MYBBP1A: variants seen among roughly 807,000 people sequenced by gnomAD.
MYBBP1A encodes myb-binding protein 1A.
A neutral mutation model predicts 136.3 loss-of-function variants in MYBBP1A; 147 were observed. The ratio of observed to expected loss-of-function variants is 1.08; its 90% CI spans 0.94 to 1.24. MYBBP1A has a LOEUF of 1.24. Among genes scored for constraint, MYBBP1A ranks in the 50% most tolerant of loss-of-function variants. The pLI, the probability that MYBBP1A is intolerant of heterozygous loss-of-function variation, is 0.00. For missense variants in MYBBP1A, 2,060 were observed against 1,727.4 expected, an observed-to-expected ratio of 1.19 and a Z score of -3.41; for synonymous variants, 947 against 735.8, an observed-to-expected ratio of 1.29 and a Z score of -4.65.
chr17:4,541,425 G>A (rs767844984), intron 24 of MYBBP1A, 38 bp downstream of exon 24: 3 of 1,581,302 alleles, frequency 1.9e-6, no homozygotes, highest in South Asian at 1.1e-5. Flanking sequence ...CCCCCAAGAG[G>A]AACCCGAACA....
Position 4,555,149 on chromosome 17 carries a change from T to C in MYBBP1A, c.176A>G (p.Glu59Gly). ...TRLAATEKLL[E>G]YLRGRPKGSE... ...CACCTTCGGCCTGCCACGCAGATAC[T>C]CCAGCAGCTTCTCCGTGGCCGCAAG... The change falls in exon 1 of 26, where the codon GAG (glutamate) becomes GGG (glycine). Residue 59 changes from glutamate to glycine, a missense_variant. Coordinates refer to ENST00000254718, the MANE Select transcript of MYBBP1A (RefSeq NM_014520.4). 6.3e-7 allele frequency: 1 copy of C among 1,598,232 alleles called. No individual in the cohort carries two copies.
In MYBBP1A at chr17:4,539,752, T is replaced by A; in HGVS notation, c.3650A>T (p.Lys1217Met). ...GTTTGCCTGGGCTGGGACCTTAGCC[T>A]TTGTCCTGTTCCTCTTCTTCCTGCC... is the stretch of plus-strand genomic sequence containing the variant. ...SMGRKKRNRT[K>M]AKVPAQANGT... The change falls in exon 26 of 26, where the codon AAG becomes ATG. Residue 1217 changes from lysine to methionine, a missense_variant. By Grantham distance (95) the Lys-to-Met change is moderately conservative (BLOSUM62 -1). Coordinates refer to ENST00000254718, the MANE Select transcript of MYBBP1A (RefSeq NM_014520.4). The A allele has an allele frequency of 2.5e-6, 4 of 1,613,214 alleles. No homozygotes were observed. Among genetic ancestry groups the A allele is most frequent in the Non-Finnish European group, 3.4e-6 (4 of 1,179,980 alleles).
In MYBBP1A at chr17:4,554,945, C is replaced by T. The variant is rs746267976; in HGVS notation, c.210G>A (p.Met70Ile). The T allele has an allele frequency of 1.9e-6, 3 of 1,613,434 alleles. No homozygotes were observed. In the African/African-American group the frequency reaches 4.0e-5, roughly 22 times the overall value. Residue 70 changes from methionine (M) to isoleucine (I), a missense_variant, in exon 2 of 26, where the codon ATG (methionine) becomes ATA (isoleucine). By Grantham distance (10) the Met-to-Ile change is conservative. Transcript: ENST00000254718. ...YLRGRPKGSE[M>I]KYALKRLITG... Reference sequence around the variant, plus strand: ...TGATTAGACGCTTCAGGGCATATTTCATCTCGGACCCCTGCGGAACCAAGC... The same window carrying T: ...TGATTAGACGCTTCAGGGCATATTTTATCTCGGACCCCTGCGGAACCAAGC...
Position 4,540,225 on chromosome 17 carries a change from TGCA to T in MYBBP1A, c.3434+120_3434+122del, listed in dbSNP as rs886774293. On this transcript the variant is annotated intron_variant, in intron 25 of 25. Transcript: ENST00000254718. ...GAGAATGCGCTTGAGTGCATGTGTG[TGCA>T]GCAGCATGCGTGTGCAGTGTGCGTG... is the stretch of plus-strand genomic sequence containing the variant. 176 of 1,358,766 alleles carry T rather than the reference TGCA, an allele frequency of 1.3e-4. No individual in the cohort carries two copies. The African/African-American group carries it at 2.4e-3, about 19-fold the overall frequency. The allele number at this position is 1,358,766 out of a possible 1,614,324, so 84.2% of individuals were successfully genotyped here. A position where few individuals can be genotyped will look rare whatever the true frequency, so the allele number is the denominator to read the frequency against.
At position 4,548,858 on chromosome 17, in the gene MYBBP1A, C is replaced by T. The variant is rs1436052818; in HGVS notation, c.1431-209G>A. Among the ~76,000 whole-genome samples, 4 of 152,200 alleles carry T rather than the reference C, an allele frequency of 2.6e-5. No individual in the cohort carries two copies. The highest frequency in any genetic ancestry group is 6.5e-5 in the Admixed American group (1 of 15,290). ...AAGGGGCCGTTTCTCTGCTCTGGAT[C>T]CCCAGCTGAACGCGGGTTAACCCGA... On this transcript the variant is annotated intron_variant, in intron 10 of 25. Coordinates refer to ENST00000254718, the MANE Select transcript of MYBBP1A (RefSeq NM_014520.4). The surrounding 1 kb of genome is among the most constrained non-coding windows in gnomAD (Gnocchi z 4.2).
rs758648262 is a variant in MYBBP1A at position 4,545,083 on chromosome 17, G to A, written c.2253C>T (p.Asp751=). The A allele has an allele frequency of 1.3e-5, 20 of 1,572,666 alleles. 1 individual carries two copies. The Middle Eastern group carries it at 5.0e-4, about 39-fold the overall frequency. The change falls in exon 17 of 26, where the codon GAC becomes GAT. Residue 751 remains aspartate (D), a synonymous_variant. Transcript: ENST00000254718. ...GCTGTTCCCGGAAGCCCTGATCCAC[G>A]TCCCCGTCGCGCTCCTCCTCCTCGC... is the stretch of plus-strand genomic sequence containing the variant. ...EESEEEERDG[D]VDQGFREQLM... is the part of the protein sequence containing the mutation.
chr17:4,539,140 C>T lies in MYBBP1A; in HGVS notation c.*275G>A, dbSNP rs188765729. The T allele has an allele frequency of 3.8e-5, 57 of 1,484,310 alleles. No individual in the cohort carries two copies. The East Asian group carries it at 1.3e-3, about 33-fold the overall frequency. 91.9% of individuals were successfully genotyped at this position (1,484,310 alleles called of 1,614,324 possible). A position where few individuals can be genotyped will look rare whatever the true frequency, so the allele number is the denominator to read the frequency against. The stretch of plus-strand genomic sequence containing the variant: ...AGCCAGCACATCAACCTGCACCAAC[C>T]CAGGCAAACACCAGAGCCCTGGACA... On this transcript the variant is annotated 3_prime_UTR_variant, in exon 26 of 26. Transcript: ENST00000254718.
rs199893522 is a variant in MYBBP1A at position 4,552,112 on chromosome 17, G to A, written c.905+13C>T. ...AGGGAAGGGGGCCGAGAGAGGACAC[G>A]CGTCGCCCGCACCTGGCTGGCCAGA... On this transcript the variant is annotated intron_variant, in intron 7 of 25. Coordinates refer to ENST00000254718, the MANE Select transcript of MYBBP1A (RefSeq NM_014520.4). This position sits in a 1 kb window ranked among gnomAD's most constrained non-coding sequence, Gnocchi z 4.7. 4.7e-5 allele frequency: 75 copies of A among 1,611,668 alleles called. No homozygotes were observed. Among genetic ancestry groups the A allele is most frequent in the Non-Finnish European group, 6.2e-5 (73 of 1,178,634 alleles).
rs935150680 is a variant in MYBBP1A, at chr17:4,541,683, G to C, written c.3195+101C>G. 4.2e-6 allele frequency: 6 copies of C among 1,424,162 alleles called. No individual in the cohort carries two copies. In the Admixed American group the frequency reaches 5.0e-5, roughly 12 times the overall value. 88.2% of individuals were successfully genotyped at this position (1,424,162 alleles called of 1,614,324 possible). A position where few individuals can be genotyped will look rare whatever the true frequency, so the allele number is the denominator to read the frequency against. On this transcript the variant is annotated intron_variant, in intron 23 of 25. Transcript: ENST00000254718. The stretch of plus-strand genomic sequence containing the variant: ...CTCCTGGGACAACCCCAGTTCTCCC[G>C]ACTCTGGACTCAGGCTCCAATCCTC...
intron 13 of MYBBP1A, chr17:4,547,613 C>G (rs1028257120): frequency 1.2e-5 from 3 of 245,956 alleles, no homozygotes; most frequent in African/African-American, 2.2e-5. Flanking sequence ...AAGAACCGAG[C>G]GGGAGAGCCC....
rs896901046 is a variant in MYBBP1A at position 4,552,357 on chromosome 17, G to C, written c.738-65C>G. On this transcript the variant is annotated intron_variant, in intron 6 of 25. Transcript: ENST00000254718. The surrounding 1 kb of genome is among the most constrained non-coding windows in gnomAD (Gnocchi z 4.7). ...GGCAAGGGCCAGGGTGACAAGAGCAGCCGGGACACCCCCAGGCCAAACGAC... is the reference window on the plus strand; with the variant it reads ...GGCAAGGGCCAGGGTGACAAGAGCACCCGGGACACCCCCAGGCCAAACGAC... 6.2e-7 allele frequency: 1 copy of C among 1,606,212 alleles called. No individual in the cohort carries two copies. The highest frequency in any genetic ancestry group is 2.2e-5 in the East Asian group (1 of 44,810).
Position 4,552,156 on chromosome 17 carries a change from C to G in MYBBP1A, c.874G>C (p.Gly292Arg), listed in dbSNP as rs752204729. Reference sequence around the variant, plus strand: ...GGCCAGAACTGCATCTTCAGCAGCCCTTGTTCCACCACCTCCTTCCAGAAC... The same window carrying G: ...GGCCAGAACTGCATCTTCAGCAGCCGTTGTTCCACCACCTCCTTCCAGAAC... ...PRFWKEVVEQ[G>R]LLKMQFWPAS... The change falls in exon 7 of 26, where the codon GGG becomes CGG. Residue 292 changes from glycine to arginine, a missense_variant. Physicochemically the swap from Gly to Arg is moderately radical, Grantham distance 125. Coordinates refer to ENST00000254718, the MANE Select transcript of MYBBP1A (RefSeq NM_014520.4). This position sits in a 1 kb window ranked among gnomAD's most constrained non-coding sequence, Gnocchi z 4.7. The G allele has an allele frequency of 6.2e-7, 1 of 1,614,228 alleles. No individual in the cohort carries two copies. The highest frequency in any genetic ancestry group is 2.2e-5 in the East Asian group (1 of 44,886).
chr17:4,545,557 T>C (rs1906927174), intron 15 of MYBBP1A, 53 bp downstream of exon 15: 7 of 1,538,012 alleles, frequency 4.6e-6, no homozygotes, highest in Non-Finnish European at 6.1e-6. Flanking sequence ...CTGGTGCAGC[T>C]CGCTGCTCAG....
Position 4,543,131 on chromosome 17 carries a change from C to T in MYBBP1A, c.2674G>A (p.Asp892Asn), listed in dbSNP as rs562871359. ...AGGGCCCCTGCGCGCTCACCCAAGT[C>T]GTGGCAGTAGCGCCGGGCACGGCAC... Reference protein sequence around the residue: ...HLCRARRYCHDLGERAGALHA... With the variant: ...HLCRARRYCHNLGERAGALHA... The change falls in exon 20 of 26, where the codon GAC becomes AAC. Residue 892 changes from aspartate (D) to asparagine (N), a missense_variant. Coordinates refer to ENST00000254718, the MANE Select transcript of MYBBP1A (RefSeq NM_014520.4). The T allele has an allele frequency of 8.9e-5, 143 of 1,610,880 alleles. No homozygotes were observed. The highest frequency in any genetic ancestry group is 5.8e-4 in the South Asian group (53 of 90,950).
At position 4,550,483 on chromosome 17, in the gene MYBBP1A, C is replaced by G. The variant is rs987102703; in HGVS notation, c.1024-130G>C. Reference sequence around the variant, plus strand: ...GCCCGGGGGCAGGCGGGCAACAGCCCACCAGGCTTGTGCCCACTACAGGTT... The same window carrying G: ...GCCCGGGGGCAGGCGGGCAACAGCCGACCAGGCTTGTGCCCACTACAGGTT... On this transcript the variant is annotated intron_variant, in intron 8 of 25. Coordinates refer to ENST00000254718, the MANE Select transcript of MYBBP1A (RefSeq NM_014520.4). 5.8e-6 allele frequency: 6 copies of G among 1,031,408 alleles called. No homozygotes were observed. The African/African-American group carries it at 9.6e-5, about 17-fold the overall frequency. 63.9% of individuals were successfully genotyped at this position (1,031,408 alleles called of 1,614,324 possible).
At position 4,548,393 on chromosome 17, in the gene MYBBP1A, T is replaced by C; in HGVS notation, c.1557-83A>G. The C allele has an allele frequency of 3.1e-6, 5 of 1,601,560 alleles. No individual in the cohort carries two copies. The East Asian group carries it at 1.1e-4, about 36-fold the overall frequency. ...CCTCCGCCCTCCCCAGGGCTCGGTC[T>C]CCCGCCTCTCCAGGACCTACTAGAA... On this transcript the variant is annotated intron_variant, in intron 11 of 25. Coordinates refer to ENST00000254718, the MANE Select transcript of MYBBP1A (RefSeq NM_014520.4). This position sits in a 1 kb window ranked among gnomAD's most constrained non-coding sequence, Gnocchi z 4.2.
rs763336717 is a variant in MYBBP1A, at chr17:4,545,947, G to A, written c.1825-5C>T. 25 of 1,611,978 alleles carry A rather than the reference G, an allele frequency of 1.6e-5. No individual in the cohort carries two copies. The highest frequency in any genetic ancestry group is 1.3e-4 in the East Asian group (6 of 44,840). On this transcript the variant is annotated splice_polypyrimidine_tract_variant and splice_region_variant and intron_variant, in intron 13 of 25. Coordinates refer to ENST00000254718, the MANE Select transcript of MYBBP1A (RefSeq NM_014520.4). ...GTCACAGCTCTCTGCAGGGGACTGC[G>A]GGCAGGGTAGGACACACACTGGGGC...
At position 4,538,970 on chromosome 17, in the gene MYBBP1A, CAGAG is replaced by C. The variant is rs773552922; in HGVS notation, c.*441_*444del. 2 of 790,714 alleles carry C rather than the reference CAGAG, an allele frequency of 2.5e-6. No individual in the cohort carries two copies. The highest frequency in any genetic ancestry group is 1.7e-5 in the Admixed American group (1 of 59,050). 49.0% of individuals were successfully genotyped at this position (790,714 alleles called of 1,614,324 possible). ...TTTTAGAGCTGCTGATTGTGAATCT[CAGAG>C]TCTTAAGAGAGAAGCCAAATATATT... On this transcript the variant is annotated 3_prime_UTR_variant, in exon 26 of 26. Coordinates refer to ENST00000254718, the MANE Select transcript of MYBBP1A (RefSeq NM_014520.4).
Position 4,548,009 on chromosome 17 carries a change from C to A in MYBBP1A, c.1773G>T (p.Arg591Ser). The change falls in exon 13 of 26, where the codon AGG becomes AGT. Residue 591 changes from arginine (R) to serine (S), a missense_variant. By Grantham distance (110) the Arg-to-Ser change is moderately radical. Coordinates refer to ENST00000254718, the MANE Select transcript of MYBBP1A (RefSeq NM_014520.4). The surrounding 1 kb of genome is among the most constrained non-coding windows in gnomAD (Gnocchi z 4.2). The part of the protein sequence containing the change: ...KELEAHSAEA[R>S]AAAFQHLLLL... ...GCAGAAGGTGCTGGAAGGCAGCAGC[C>A]CTGGCCTCTGCGGAGTGGGCCTCCA... The A allele has an allele frequency of 6.5e-7, 1 of 1,545,150 alleles. No homozygotes were observed. The highest frequency in any genetic ancestry group is 1.2e-5 in the South Asian group (1 of 84,106).
Sources: gnomAD v4.1 joint callset for allele counts (sites outside exome capture counted in the v4.1 genomes callset) on GRCh38, gnomAD v4.1.1 for gene constraint, Gnocchi (gnomAD v3.1) non-coding constraint, MANE v1.5 for transcripts, NCBI Gene and HGNC (gene_info 2026-07-23, HGNC 2026-07-21) for gene names.